The following FAF2 variants were observed in gnomAD, a reference collection of about 807,000 sequenced individuals.
FAF2 encodes FAS-associated factor 2.
FAF2 carries 9 observed loss-of-function variants against 62.3 expected under a neutral mutation model. That is an observed-to-expected ratio of 0.14 (90% CI 0.09 to 0.25). FAF2 has a LOEUF of 0.25. Ranked by LOEUF, FAF2 falls within the 10% of genes least tolerant of loss-of-function variation. The pLI, the probability that FAF2 is intolerant of heterozygous loss-of-function variation, is 1.00. For synonymous variants in FAF2, 202 were observed against 198.0 expected, an observed-to-expected ratio of 1.02 and a Z score of -0.17; for missense variants, 368 against 556.2, an observed-to-expected ratio of 0.66 and a Z score of 3.40.
At chr5:176,501,133 A>AAT (rs1554133735) in intron 10 of FAF2, among the ~76,000 whole-genome samples, 18 of 151,064 alleles carry the variant, frequency 1.2e-4, no homozygotes, top group African/African-American at 3.9e-4. Flanking sequence ...AAAAAAAAAT[A>AAT]AATAATAATA....
At chr5:176,505,503 G>A (rs1239280526) in intron 10 of FAF2, among the ~76,000 whole-genome samples, 1 of 152,144 alleles carries the variant, frequency 6.6e-6, no homozygotes, top group Admixed American at 6.5e-5. Flanking sequence ...GGAACAGGTG[G>A]TGTTTGGTTA....
intron 1 of FAF2, among the ~76,000 whole-genome samples, chr5:176,463,384 CA>C (rs796695371): frequency 1.5e-3 from 197 of 135,708 alleles, no homozygotes; most frequent in Admixed American, 1.9e-3. Context: ...GACTCCATCT[CA>C]AAAAAAAAAA....
At position 176,509,891 on chromosome 5, in the gene FAF2, T is replaced by C. The variant is rs752575094; in HGVS notation, c.*2941T>C. On this transcript the variant is annotated 3_prime_UTR_variant, in exon 11 of 11. Coordinates refer to ENST00000261942, the MANE Select transcript of FAF2 (RefSeq NM_014613.3). ...GAGCTCCGCTCTACAACTGGTTTTT[T>C]TAGGACTTGTGAGGAACACAGCAAC... 3 of 152,614 alleles carry C rather than the reference T, an allele frequency of 2.0e-5. No individual in the cohort carries two copies. The highest frequency in any genetic ancestry group is 4.4e-5 in the Non-Finnish European group (3 of 68,034). 9.5% of individuals were successfully genotyped at this position (152,614 alleles called of 1,614,324 possible).
chr5:176,464,218 G>T (rs1374249990), intron 1 of FAF2, among the ~76,000 whole-genome samples: 2 of 152,070 alleles, frequency 1.3e-5, no homozygotes, highest in African/African-American at 4.8e-5. Context: ...AAAGTGTTGG[G>T]ATTACAGGTG....
chr5:176,473,167 G>T (rs758607064), intron 1 of FAF2, among the ~76,000 whole-genome samples: 14 of 152,016 alleles, frequency 9.2e-5, no homozygotes, highest in Admixed American at 3.3e-4. Context: ...TGTGTTCCAG[G>T]ATCCCATTTA....
At chr5:176,458,452 C>T (rs1489941700) in intron 1 of FAF2, among the ~76,000 whole-genome samples, 2 of 124,294 alleles carry the variant, frequency 1.6e-5, no homozygotes, top group South Asian at 5.4e-4. Context: ...CTCTCTCACC[C>T]ACGCTGGAGT....
In FAF2 at chr5:176,496,482, T is replaced by A; in HGVS notation, c.662-4T>A. ...GCCCTTGATCTGTTGGGTCTTTTTA[T>A]CAGTCTCACAGGCTTTACGAGAGAA... is the stretch of plus-strand genomic sequence containing the variant. On this transcript the variant is annotated splice_region_variant and splice_polypyrimidine_tract_variant and intron_variant, in intron 7 of 10. Coordinates refer to ENST00000261942, the MANE Select transcript of FAF2 (RefSeq NM_014613.3). The A allele has an allele frequency of 3.8e-6, 6 of 1,566,758 alleles. No individual in the cohort carries two copies. Among genetic ancestry groups the A allele is most frequent in the Non-Finnish European group, 5.2e-6 (6 of 1,159,156 alleles).
intron 1 of FAF2, among the ~76,000 whole-genome samples, chr5:176,468,120 T>G (rs1385282240): frequency 1.3e-5 from 2 of 151,860 alleles, no homozygotes; most frequent in African/African-American, 2.4e-5. Context: ...AGCTGAAATC[T>G]TGCCACTACA....
chr5:176,461,689 A>G (rs1241797139), intron 1 of FAF2, among the ~76,000 whole-genome samples: 1 of 151,418 alleles, frequency 6.6e-6, no homozygotes, highest in Non-Finnish European at 1.5e-5. Context: ...ATTGTTTCTC[A>G]TATATTCTGG....
chr5:176,479,010 T>C (rs562733307), intron 1 of FAF2, among the ~76,000 whole-genome samples, 178 bp from the exon 2 acceptor site: 1 of 152,348 alleles, frequency 6.6e-6, no homozygotes, highest in South Asian at 2.1e-4. Flanking sequence ...TTTAGTTCTT[T>C]ACGCATCTAG....
In FAF2 at chr5:176,471,973, C is replaced by T. The variant is rs182716931; in HGVS notation, c.64-7215C>T. On this transcript the variant is annotated intron_variant, in intron 1 of 10. Transcript: ENST00000261942. Reference sequence around the variant, plus strand: ...GGGATTACAGGTGTGAGCCACCATGCCCAGCCCCTATCTGTACATTCTCAT... The same window carrying T: ...GGGATTACAGGTGTGAGCCACCATGTCCAGCCCCTATCTGTACATTCTCAT... 2.2e-3 allele frequency among the ~76,000 whole-genome samples: 333 copies of T among 152,162 alleles called. 3 individuals are homozygous for T. Among genetic ancestry groups the T allele is most frequent in the African/African-American group, 7.6e-3 (317 of 41,518 alleles).
intron 1 of FAF2, among the ~76,000 whole-genome samples, chr5:176,451,654 C>T (rs1758171565): frequency 6.8e-6 from 1 of 148,030 alleles, no homozygotes; most frequent in African/African-American, 2.5e-5. Flanking sequence ...AATTTATATC[C>T]ACAACCATCT....
intron 3 of FAF2, among the ~76,000 whole-genome samples, chr5:176,487,446 G>C (rs1758894903): frequency 6.6e-6 from 1 of 152,088 alleles, no homozygotes; most frequent in Non-Finnish European, 1.5e-5. Context: ...GCCTCCCAAA[G>C]TGCTGGAATT....
intron 10 of FAF2, among the ~76,000 whole-genome samples, chr5:176,504,878 C>T (rs954354126): frequency 6.6e-6 from 1 of 152,026 alleles, no homozygotes; most frequent in African/African-American, 2.4e-5. Flanking sequence ...TAAAAGTTAA[C>T]CAGGCATGGT....
intron 1 of FAF2, among the ~76,000 whole-genome samples, chr5:176,462,618 G>A (rs540828267): frequency 1.3e-5 from 2 of 152,210 alleles, no homozygotes; most frequent in East Asian, 3.9e-4. Flanking sequence ...GCAAGACTCC[G>A]TCTCAAAAAA....
intron 2 of FAF2, among the ~76,000 whole-genome samples, chr5:176,480,818 G>A (rs1308307426): frequency 3.5e-5 from 5 of 143,056 alleles, no homozygotes; most frequent in Admixed American, 2.1e-4. Context: ...GGGGCTGGGG[G>A]GCTAGGGGAG....
chr5:176,502,664 A>G (rs983269061), intron 10 of FAF2, among the ~76,000 whole-genome samples: 1 of 152,240 alleles, frequency 6.6e-6, no homozygotes, highest in African/African-American at 2.4e-5. Flanking sequence ...GTGGAACAGA[A>G]TAGGCTTGTG....
At chr5:176,490,539 G>C (rs1002580713) in intron 4 of FAF2, among the ~76,000 whole-genome samples, 8 of 152,082 alleles carry the variant, frequency 5.3e-5, no homozygotes, top group Non-Finnish European at 1.2e-4. Flanking sequence ...CCTGCCTCTA[G>C]GGAGCAGAGG....
At chr5:176,505,191 G>C (rs890011967) in intron 10 of FAF2, among the ~76,000 whole-genome samples, 3 of 152,252 alleles carry the variant, frequency 2.0e-5, no homozygotes, top group Admixed American at 2.0e-4. Context: ...TGGTATGTTC[G>C]TCATCTTTGG....
Sources: allele counts gnomAD v4.1 joint callset (sites outside exome capture counted in the v4.1 genomes callset), GRCh38; gene constraint gnomAD v4.1.1; transcripts MANE v1.5; gene names NCBI Gene and HGNC (gene_info 2026-07-23, HGNC 2026-07-21).